GIP: variants seen among roughly 807,000 people sequenced by gnomAD.
GIP encodes glucose-dependent insulinotropic polypeptide.
GIP carries 16 observed loss-of-function variants against 18.1 expected under a neutral mutation model. The ratio of observed to expected loss-of-function variants is 0.88; its 90% CI spans 0.60 to 1.34. GIP has a LOEUF of 1.34. Ranked by LOEUF, GIP falls within the 40% of genes most tolerant of loss-of-function variation. The probability of loss-of-function intolerance (pLI) is 0.00; values close to 1 mark genes in which losing one functional copy is unlikely to be tolerated. For missense variants in GIP, 192 were observed against 183.4 expected, an observed-to-expected ratio of 1.05 and a Z score of -0.27; for synonymous variants, 76 against 74.0, an observed-to-expected ratio of 1.03 and a Z score of -0.14.
At chr17:48,961,109 A>T (rs4794004) in intron 4 of GIP, 122 bp from the exon 5 acceptor site, 1 of 618,588 alleles carries the variant, frequency 1.6e-6, no homozygotes, top group Non-Finnish European at 2.8e-6. Context: ...CGACACAGCT[A>T]TCTCTCCGTT....
chr17:48,963,698 G>A (rs1567796941), intron 3 of GIP, among the ~76,000 whole-genome samples: 1 of 151,694 alleles, frequency 6.6e-6, no homozygotes, highest in Non-Finnish European at 1.5e-5. Flanking sequence ...GCCAGGCGTG[G>A]TGGCACATGC....
chr17:48,962,007 C>A (rs761225944), intron 3 of GIP, among the ~76,000 whole-genome samples, 188 bp from the exon 4 acceptor site: 1 of 152,142 alleles, frequency 6.6e-6, no homozygotes, highest in African/African-American at 2.4e-5. Context: ...CCAGAGAGGG[C>A]GGGGAAAGAG....
Position 48,967,212 on chromosome 17 carries a change from A to G in GIP, c.21T>C (p.Phe7=), listed in dbSNP as rs1446328228. The part of the protein sequence containing the change: MVATKT[F]ALLLLSLFLA... Reference sequence around the variant, plus strand: ...GGAACAGGGACAGCAGCAGCAGAGCAAAGGTCTTCGTGGCCACCATCTTCC... The same window carrying G: ...GGAACAGGGACAGCAGCAGCAGAGCGAAGGTCTTCGTGGCCACCATCTTCC... The change falls in exon 2 of 6, where the codon TTT becomes TTC. Residue 7 remains phenylalanine (F), a synonymous_variant. Transcript: ENST00000357424. 6.2e-7 allele frequency: 1 copy of G among 1,614,094 alleles called. No homozygotes were observed. The highest frequency in any genetic ancestry group is 1.7e-5 in the Admixed American group (1 of 60,012).
chr17:48,965,526 A>T (rs2041231607), intron 2 of GIP, among the ~76,000 whole-genome samples: 2 of 145,054 alleles, frequency 1.4e-5, no homozygotes, highest in Non-Finnish European at 3.0e-5. Context: ...AATGGCGTGA[A>T]CCCAGGAGGC....
chr17:48,961,755 T>C lies in GIP; in HGVS notation c.322A>G (p.Lys108Glu). 6.2e-7 allele frequency: 1 copy of C among 1,612,376 alleles called. No individual in the cohort carries two copies. Among genetic ancestry groups the C allele is most frequent in the East Asian group, 2.2e-5 (1 of 44,874 alleles). ...TGTGGCTCCACTGCCTCCTCCTCCT[T>C]CCTATTAGCTTGACTGGCCAGCTCC... ...ALELASQANR[K>E]EEEAVEPQSS... Residue 108 changes from lysine (K) to glutamate (E), a missense_variant, in exon 4 of 6, where the codon AAG (lysine) becomes GAG (glutamate). Transcript: ENST00000357424.
intron 4 of GIP, 28 bp downstream of exon 4, chr17:48,961,699 C>G: frequency 1.3e-4 from 183 of 1,452,992 alleles, no homozygotes; most frequent in Middle Eastern, 1.7e-4. Context: ...GGCTTGGCTC[C>G]CTCCCTTCCC....
chr17:48,963,576 C>T (rs553337139), intron 3 of GIP, among the ~76,000 whole-genome samples: 1 of 151,824 alleles, frequency 6.6e-6, no homozygotes, highest in African/African-American at 2.4e-5. Context: ...AGAAGAATCG[C>T]TTGAACCCAG....
intron 5 of GIP, 61 bp from the exon 6 acceptor site, chr17:48,958,777 T>C: frequency 7.3e-7 from 1 of 1,375,634 alleles, no homozygotes; most frequent in South Asian, 1.2e-5. Flanking sequence ...CCAAGCACAT[T>C]TATCCTGGGA....
rs1236053767 is a variant in GIP, at chr17:48,964,302, C to T, written c.257+8G>A. The T allele has an allele frequency of 1.2e-6, 2 of 1,609,776 alleles. No individual in the cohort carries two copies. Among genetic ancestry groups the T allele is most frequent in the East Asian group, 2.2e-5 (1 of 44,870 alleles). ...CAGGGAACAGGAGGAGTGTAAGCAG[C>T]GACTCACTCATTCTTCTTCCCCTTT... On this transcript the variant is annotated splice_region_variant and intron_variant, in intron 3 of 5. Transcript: ENST00000357424.
At chr17:48,964,943 T>C (rs1176359671) in intron 2 of GIP, among the ~76,000 whole-genome samples, 1 of 151,368 alleles carries the variant, frequency 6.6e-6, no homozygotes, top group Admixed American at 6.6e-5. Context: ...ATCGAGACCA[T>C]CCTGGCTAAC....
chr17:48,967,361 T>A, intron 1 of GIP, 108 bp from the exon 2 acceptor site: 1 of 109,574 alleles, frequency 9.1e-6, no homozygotes, highest in Admixed American at 1.8e-4. Flanking sequence ...TCCTTTTTCT[T>A]TTTTTTTTTT....
chr17:48,963,841 C>A (rs1317943292), intron 3 of GIP, among the ~76,000 whole-genome samples: 97 of 35,864 alleles, frequency 2.7e-3, no homozygotes, highest in South Asian at 7.1e-3. Flanking sequence ...AACTCTGTCT[C>A]AAAAAAAAAA....
In GIP at chr17:48,960,965, C is replaced by T. The variant is rs2041197571; in HGVS notation, c.373G>A (p.Asp125Asn). 4 of 1,608,944 alleles carry T rather than the reference C, an allele frequency of 2.5e-6. No homozygotes were observed. The highest frequency in any genetic ancestry group is 3.4e-6 in the Non-Finnish European group (4 of 1,177,870). ...PQSSPAKNPS[D>N]EDLLRDLLIQ... ...AGCAAGTCCCGCAGCAAATCTTCAT[C>T]GCTGGGGTTCTTGGCTGGGGAGCTG... is the stretch of plus-strand genomic sequence containing the variant. The change falls in exon 5 of 6, where the codon GAT (aspartate) becomes AAT (asparagine). Residue 125 changes from aspartate to asparagine, a missense_variant. Transcript: ENST00000357424.
intron 1 of GIP, among the ~76,000 whole-genome samples, 174 bp from the exon 2 acceptor site, chr17:48,967,427 T>C (rs980175368): frequency 1.3e-5 from 2 of 150,386 alleles, no homozygotes; most frequent in Non-Finnish European, 1.5e-5. Context: ...TGGCACAATC[T>C]TGGCTCACTG....
rs1288407161 is a variant in GIP, at chr17:48,964,456, T to C, written c.111A>G (p.Gly37=). The C allele has an allele frequency of 1.2e-6, 2 of 1,613,602 alleles. No individual in the cohort carries two copies. The highest frequency in any genetic ancestry group is 1.1e-5 in the South Asian group (1 of 91,048). The stretch of plus-strand genomic sequence containing the variant: ...GAGGGCTGCTCACCTTAGCATGAGA[T>C]CCAACAGGCAGGGAGGGGAGAGCGC... The part of the protein sequence containing the change: ...HFSALPSLPV[G]SHAKVSSPQP... Residue 37 remains glycine, a synonymous_variant, in exon 3 of 6, where the codon GGA becomes GGG. Coordinates refer to ENST00000357424, the MANE Select transcript of GIP (RefSeq NM_004123.3).
At chr17:48,962,678 T>C (rs2041207207) in intron 3 of GIP, among the ~76,000 whole-genome samples, 1 of 152,176 alleles carries the variant, frequency 6.6e-6, no homozygotes, top group African/African-American at 2.4e-5. Flanking sequence ...TAGCCAATCC[T>C]GTTTTCAAAG....
At chr17:48,964,764 G>A (rs1240557139) in intron 2 of GIP, among the ~76,000 whole-genome samples, 1 of 152,146 alleles carries the variant, frequency 6.6e-6, no homozygotes, top group African/African-American at 2.4e-5. Context: ...GGGAGGCCAA[G>A]GCAGGCGGAT....
intron 5 of GIP, among the ~76,000 whole-genome samples, chr17:48,960,394 T>G: frequency 4.3e-5 from 2 of 46,956 alleles, no homozygotes; most frequent in Admixed American, 2.0e-4. Flanking sequence ...CTCAGCTCTG[T>G]GTGTAGGGAC....
intron 3 of GIP, among the ~76,000 whole-genome samples, chr17:48,962,703 C>T (rs1196645619): frequency 2.0e-5 from 3 of 152,126 alleles, no homozygotes; most frequent in African/African-American, 4.8e-5. Flanking sequence ...AAGTGGCCAC[C>T]GCCAAGCAAG....
Sources: allele counts gnomAD v4.1 joint callset (sites outside exome capture counted in the v4.1 genomes callset), GRCh38; gene constraint gnomAD v4.1.1; transcripts MANE v1.5; gene names NCBI Gene and HGNC (gene_info 2026-07-23, HGNC 2026-07-21).